The following BABAM2 variants were observed in gnomAD, a reference collection of about 807,000 sequenced individuals.
BABAM2 encodes BRISC and BRCA1 A complex member 2, also known as BRISC and BRCA1-A complex member 2.
In BABAM2, 31 loss-of-function variants were observed where a neutral mutation model predicts 54.7. That is an observed-to-expected ratio of 0.57 (90% CI 0.43 to 0.77). The LOEUF (loss-of-function observed/expected upper bound fraction) is 0.77, where lower values mean the gene tolerates loss of function less well. BABAM2 is among the 30% of genes least tolerant of loss of function. The pLI, the probability that BABAM2 is intolerant of heterozygous loss-of-function variation, is 0.00. For synonymous variants in BABAM2, 167 were observed against 162.9 expected (o/e 1.03, Z -0.19); for missense variants, 364 against 455.8 (o/e 0.80, Z 1.83).
At chr2:28,211,448 C>T (rs1214082796) in intron 7 of BABAM2, among the ~76,000 whole-genome samples, 4 of 122,806 alleles carry the variant, frequency 3.3e-5, no homozygotes, top group Non-Finnish European at 6.3e-5. Context: ...AGTACAGTGG[C>T]GTGATCTCGG....
intron 7 of BABAM2, among the ~76,000 whole-genome samples, chr2:28,219,611 C>T (rs1268355947): frequency 6.6e-6 from 1 of 151,766 alleles, no homozygotes; most frequent in African/African-American, 2.4e-5. Context: ...AAATGCCTAC[C>T]TGTGTTCAAG....
intron 6 of BABAM2, among the ~76,000 whole-genome samples, chr2:28,087,673 G>T (rs1275258891): frequency 6.6e-6 from 1 of 150,378 alleles, no homozygotes; most frequent in East Asian, 2.0e-4. Context: ...TTTTTTGACA[G>T]AGTCTCGCTC....
At chr2:28,146,069 C>A (rs978293159) in intron 7 of BABAM2, among the ~76,000 whole-genome samples, 1 of 152,190 alleles carries the variant, frequency 6.6e-6, no homozygotes, top group Non-Finnish European at 1.5e-5. Flanking sequence ...TGTGTAAACA[C>A]ATATTTTCAA....
chr2:28,327,184 G>C, intron 11 of BABAM2: 1 of 1,377,326 alleles, frequency 7.3e-7, no homozygotes, highest in Non-Finnish European at 9.8e-7. Context: ...GCCGGTGGAG[G>C]CTCAGGAGCC....
intron 3 of BABAM2, among the ~76,000 whole-genome samples, chr2:27,987,004 T>A (rs1672445315): frequency 1.3e-5 from 2 of 152,200 alleles, no homozygotes; most frequent in South Asian, 4.1e-4. Context: ...CTAATGAGAC[T>A]TTGTAAATTT....
At chr2:28,292,710 C>T (rs750669462) in intron 10 of BABAM2, among the ~76,000 whole-genome samples, 15 of 152,166 alleles carry the variant, frequency 9.9e-5, no homozygotes, top group Non-Finnish European at 1.9e-4. Context: ...TCTCCTTACA[C>T]GTGTGTTTAA....
intron 7 of BABAM2, among the ~76,000 whole-genome samples, chr2:28,195,826 C>G (rs149879948): frequency 1.3e-5 from 2 of 152,132 alleles, no homozygotes; most frequent in Non-Finnish European, 2.9e-5. Flanking sequence ...CTACCTAATT[C>G]AAAAGTAGTT....
chr2:27,970,558 T>C (rs1671137113), intron 3 of BABAM2, among the ~76,000 whole-genome samples: 1 of 152,182 alleles, frequency 6.6e-6, no homozygotes, highest in Non-Finnish European at 1.5e-5. Context: ...CACCCCTAAG[T>C]ACTTCACTAC....
intron 11 of BABAM2, among the ~76,000 whole-genome samples, chr2:28,300,499 C>T (rs1183449410): frequency 1.3e-5 from 2 of 152,178 alleles, no homozygotes; most frequent in Admixed American, 6.5e-5. Context: ...ATGTTTTATG[C>T]TTGAAGTATT....
At chr2:28,296,069 A>G (rs1453473600) in intron 10 of BABAM2, among the ~76,000 whole-genome samples, 1 of 152,212 alleles carries the variant, frequency 6.6e-6, no homozygotes, top group East Asian at 1.9e-4. Context: ...AGATCGTGCC[A>G]TTGCACTCCA....
At chr2:27,957,901 A>G (rs1174224098) in intron 3 of BABAM2, among the ~76,000 whole-genome samples, 2 of 152,200 alleles carry the variant, frequency 1.3e-5, no homozygotes, top group Non-Finnish European at 2.9e-5. Context: ...GGAGCCCTGC[A>G]CCACTGCATA....
At position 27,967,848 on chromosome 2, in the gene BABAM2, T is replaced by C. The variant is rs552118653; in HGVS notation, c.206-20145T>C. ...ATTTTGCCCCTGCCCTTGAGCTTAG[T>C]GGAAATTTGAACTTGAGAGAGATGA... On this transcript the variant is annotated intron_variant, in intron 3 of 11. Coordinates refer to ENST00000379624, the MANE Select transcript of BABAM2 (RefSeq NM_199191.3). 3.3e-5 allele frequency among the ~76,000 whole-genome samples: 5 copies of C among 152,318 alleles called. No homozygotes were observed. In the East Asian group the frequency reaches 9.6e-4, roughly 29 times the overall value.
chr2:27,908,107 T>G (rs1229150703), intron 2 of BABAM2, among the ~76,000 whole-genome samples: 1 of 152,204 alleles, frequency 6.6e-6, no homozygotes, highest in Non-Finnish European at 1.5e-5. Flanking sequence ...TTTCTTTCTG[T>G]TTTTAAAAAT....
At chr2:28,309,921 G>A (rs151170427) in intron 11 of BABAM2, 9,440 of 667,118 alleles carry the variant, frequency 0.014, 96 homozygotes, top group Non-Finnish European at 0.019. Flanking sequence ...CTTCCATTCC[G>A]CACGAGCAAG....
intron 10 of BABAM2, among the ~76,000 whole-genome samples, chr2:28,288,884 G>C (rs190528201): frequency 6.6e-6 from 1 of 151,792 alleles, no homozygotes; most frequent in Admixed American, 6.6e-5. Flanking sequence ...GACCTTGCCA[G>C]GTCTCCTTTT....
At chr2:27,979,325 C>T (rs567662049) in intron 3 of BABAM2, among the ~76,000 whole-genome samples, 4 of 151,820 alleles carry the variant, frequency 2.6e-5, no homozygotes, top group Admixed American at 1.3e-4. Flanking sequence ...TGAGCCACTG[C>T]GCCTGGCCTA....
intron 7 of BABAM2, among the ~76,000 whole-genome samples, chr2:28,216,687 CCTACTGT>C (rs1490159849): frequency 6.6e-6 from 1 of 152,166 alleles, no homozygotes; most frequent in African/African-American, 2.4e-5. Flanking sequence ...TTATTAAGCA[CCTACTGT>C]GTAGAGAGCT....
intron 11 of BABAM2, chr2:28,308,952 A>G (rs1173849932): frequency 6.6e-6 from 1 of 152,296 alleles, no homozygotes; most frequent in Non-Finnish European, 1.5e-5. Context: ...TGTGTTGCTA[A>G]TTTTAAAAAT....
At chr2:28,052,339 G>A (rs1473272405) in intron 6 of BABAM2, among the ~76,000 whole-genome samples, 1 of 150,380 alleles carries the variant, frequency 6.6e-6, no homozygotes, top group Non-Finnish European at 1.5e-5. Flanking sequence ...CCAGGCTGGA[G>A]CGTAGTGGCA....
Sources: allele counts gnomAD v4.1 joint callset (sites outside exome capture counted in the v4.1 genomes callset), GRCh38; gene constraint gnomAD v4.1.1; transcripts MANE v1.5; gene names NCBI Gene and HGNC (gene_info 2026-07-23, HGNC 2026-07-21).